Variants in NOTCH2 observed in about 807,000 individuals in gnomAD.
The protein encoded by NOTCH2 is neurogenic locus notch homolog protein 2.
A neutral mutation model predicts 235.8 loss-of-function variants in NOTCH2; 29 were observed. The observed-to-expected ratio is 0.12, with a 90% confidence interval of 0.09 to 0.17. The LOEUF (loss-of-function observed/expected upper bound fraction) is 0.17, where lower values mean the gene tolerates loss of function less well. Ranked by LOEUF, NOTCH2 falls within the 10% of genes least tolerant of loss-of-function variation. The pLI is 1.00. For missense variants in NOTCH2, 2,285 were observed against 3,150.2 expected, an observed-to-expected ratio of 0.73 and a Z score of 6.57; for synonymous variants, 1,086 against 1,141.5, an observed-to-expected ratio of 0.95 and a Z score of 0.98.
chr1:120,010,997 G>A (rs1653168740), intron 2 of NOTCH2, among the ~76,000 whole-genome samples: 1 of 152,196 alleles, frequency 6.6e-6, no homozygotes, highest in Non-Finnish European at 1.5e-5. Context: ...AACATGCTAA[G>A]TGAAAGAAGC....
intron 13 of NOTCH2, 60 bp from the exon 14 acceptor site, chr1:119,953,748 T>C (rs1650576652): frequency 6.9e-7 from 1 of 1,441,444 alleles, no homozygotes; most frequent in Non-Finnish European, 9.8e-7. Flanking sequence ...AGTCATAGAG[T>C]GAAATACAGG....
intron 2 of NOTCH2, among the ~76,000 whole-genome samples, chr1:120,023,253 C>CAGTGAAACCCCGTCTCT (rs1553209354): frequency 2.0e-5 from 3 of 150,682 alleles, no homozygotes; most frequent in Non-Finnish European, 4.4e-5. Context: ...CTGGCTAACA[C>CAGTGAAACCCCGTCTCT]AGTGAAACCC....
At position 119,923,997 on chromosome 1, in the gene NOTCH2, A is replaced by C; in HGVS notation, c.4512-13T>G. ...GTATTTGTCATACCTAGGTAAGGGG[A>C]AGCAGAGAACAGGCAAAAGAGCTCA... On this transcript the variant is annotated splice_polypyrimidine_tract_variant and intron_variant, in intron 25 of 33. Coordinates refer to ENST00000256646, the MANE Select transcript of NOTCH2 (RefSeq NM_024408.4). 6.2e-7 allele frequency: 1 copy of C among 1,605,468 alleles called. No individual in the cohort carries two copies. Among genetic ancestry groups the C allele is most frequent in the Non-Finnish European group, 8.5e-7 (1 of 1,172,436 alleles).
At chr1:119,957,097 G>A (rs868974655) in intron 12 of NOTCH2, among the ~76,000 whole-genome samples, 1 of 152,190 alleles carries the variant, frequency 6.6e-6, no homozygotes, top group East Asian at 1.9e-4. Flanking sequence ...CCATTCATTC[G>A]TTCATTCAGC....
chr1:119,935,082 A>G (rs1649798820), intron 22 of NOTCH2: 1 of 981,518 alleles, frequency 1.0e-6, no homozygotes, highest in Non-Finnish European at 1.2e-6. Flanking sequence ...TAGAGGTAAG[A>G]CTTGGCTAAT....
At chr1:119,920,775 C>T (rs12117337) in intron 29 of NOTCH2, among the ~76,000 whole-genome samples, 2,759 of 152,330 alleles carry the variant, frequency 0.018, 36 homozygotes, top group East Asian at 0.039. Flanking sequence ...AATGCTTACA[C>T]AGCACTACAT....
chr1:119,945,695 A>G (rs944317567), intron 17 of NOTCH2, among the ~76,000 whole-genome samples: 2 of 152,126 alleles, frequency 1.3e-5, no homozygotes, highest in African/African-American at 4.8e-5. Context: ...TGCACTTAAG[A>G]TTAGAGTTTC....
intron 5 of NOTCH2, among the ~76,000 whole-genome samples, chr1:119,975,197 A>G (rs1484635238): frequency 6.6e-6 from 1 of 151,034 alleles, no homozygotes; most frequent in African/African-American, 2.4e-5. Context: ...GGAAAGAGGA[A>G]GAAACTCAGA....
chr1:119,991,839 AAAAAG>A (rs1361932645), intron 4 of NOTCH2, among the ~76,000 whole-genome samples: 1 of 129,538 alleles, frequency 7.7e-6, no homozygotes, highest in Non-Finnish European at 1.6e-5. Context: ...AAAAAAAAAA[AAAAAG>A]AAAAGAAAAG....
chr1:120,003,170 G>A (rs1330682213), intron 3 of NOTCH2, among the ~76,000 whole-genome samples: 7 of 152,212 alleles, frequency 4.6e-5, no homozygotes, highest in Middle Eastern at 3.4e-3. Context: ...ATGAAAAAGC[G>A]AGACTGGCCT....
At position 119,940,545 on chromosome 1, in the gene NOTCH2, A is replaced by G; in HGVS notation, c.3183+10T>C. 1 of 1,612,222 alleles carries G rather than the reference A, an allele frequency of 6.2e-7. No homozygotes were observed. Among genetic ancestry groups the G allele is most frequent in the Non-Finnish European group, 8.5e-7 (1 of 1,179,002 alleles). On this transcript the variant is annotated intron_variant, in intron 19 of 33. Transcript: ENST00000256646. ...AGGGGAGCTGAGTGAATGGGAAGGAAGTCAATTACCTGACAGTTTTTCCCA... is the reference window on the plus strand; with the variant it reads ...AGGGGAGCTGAGTGAATGGGAAGGAGGTCAATTACCTGACAGTTTTTCCCA...
intron 5 of NOTCH2, among the ~76,000 whole-genome samples, chr1:119,974,749 C>G (rs1268107333): frequency 6.6e-6 from 1 of 152,178 alleles, no homozygotes; most frequent in Non-Finnish European, 1.5e-5. Context: ...TAGAGTAGGT[C>G]TCCAAATGCA....
intron 18 of NOTCH2, 66 bp from the exon 19 acceptor site, chr1:119,940,822 G>C: frequency 7.2e-7 from 1 of 1,396,592 alleles, no homozygotes; most frequent in Non-Finnish European, 1.0e-6. Flanking sequence ...TACAAAGTAA[G>C]ATTTCTGGAA....
intron 26 of NOTCH2, among the ~76,000 whole-genome samples, 199 bp from the exon 27 acceptor site, chr1:119,922,977 C>G (rs948374426): frequency 6.6e-6 from 1 of 152,214 alleles, no homozygotes; most frequent in African/African-American, 2.4e-5. Flanking sequence ...AACACTAATT[C>G]CCACATAGAG....
At chr1:119,935,238 A>G in intron 22 of NOTCH2, 1 of 1,420,674 alleles carries the variant, frequency 7.0e-7, no homozygotes, top group African/African-American at 1.4e-5. Flanking sequence ...TCTGTGTTTC[A>G]TGGAATATCA....
chr1:119,934,094 G>C (rs1649762283), intron 22 of NOTCH2, among the ~76,000 whole-genome samples: 1 of 152,224 alleles, frequency 6.6e-6, no homozygotes, highest in Admixed American at 6.5e-5. Flanking sequence ...TCTGAGATTT[G>C]AGGTTTAATT....
Position 119,913,532 on chromosome 1 carries a change from A to C in NOTCH2, c.*1774T>G, listed in dbSNP as rs1223037948. Reference sequence around the variant, plus strand: ...CATCACAGCACTGGACGGAAGTTGCAGTGTAGCCATGGACCAATTATTAAC... The same window carrying C: ...CATCACAGCACTGGACGGAAGTTGCCGTGTAGCCATGGACCAATTATTAAC... On this transcript the variant is annotated 3_prime_UTR_variant, in exon 34 of 34. Coordinates refer to ENST00000256646, the MANE Select transcript of NOTCH2 (RefSeq NM_024408.4). 4.3e-6 allele frequency: 1 copy of C among 233,204 alleles called. No homozygotes were observed. Among genetic ancestry groups the C allele is most frequent in the East Asian group, 6.0e-5 (1 of 16,598 alleles). The allele number at this position is 233,204 out of a possible 1,614,324, so 14.4% of individuals were successfully genotyped here. A position where few individuals can be genotyped will look rare whatever the true frequency, so the allele number is the denominator to read the frequency against.
At chr1:120,046,810 CTAATAT>C (rs1470709120) in intron 1 of NOTCH2, among the ~76,000 whole-genome samples, 142 of 130,998 alleles carry the variant, frequency 1.1e-3, no homozygotes, top group African/African-American at 4.0e-3. Flanking sequence ...CAGCAATATA[CTAATAT>C]TAAGGAAAAA....
chr1:119,915,823 G>A lies in NOTCH2; in HGVS notation c.6899C>T (p.Pro2300Leu). 6.2e-7 allele frequency: 1 copy of A among 1,613,918 alleles called. No individual in the cohort carries two copies. Among genetic ancestry groups the A allele is most frequent in the Non-Finnish European group, 8.5e-7 (1 of 1,179,866 alleles). ...EGKHITTPREPLPPIVTFQLI... is the reference protein window; with the variant it reads ...EGKHITTPRELLPPIVTFQLI... ...CTGGAAAGTCACAATGGGGGGCAAGGGCTCCCGAGGGGTGGTTATGTGCTT... is the reference window on the plus strand; with the variant it reads ...CTGGAAAGTCACAATGGGGGGCAAGAGCTCCCGAGGGGTGGTTATGTGCTT... The change falls in exon 34 of 34, where the codon CCC becomes CTC. Residue 2300 changes from proline to leucine, a missense_variant. By Grantham distance (98) the Pro-to-Leu change is moderately conservative. Coordinates refer to ENST00000256646, the MANE Select transcript of NOTCH2 (RefSeq NM_024408.4).
Sources: gnomAD v4.1 joint callset for allele counts (sites outside exome capture counted in the v4.1 genomes callset) on GRCh38, gnomAD v4.1.1 for gene constraint, MANE v1.5 for transcripts, NCBI Gene and HGNC (gene_info 2026-07-23, HGNC 2026-07-21) for gene names.